NCOA3: variants seen among roughly 807,000 people sequenced by gnomAD.
NCOA3 encodes the protein CBP-interacting protein.
NCOA3 carries 51 observed loss-of-function variants against 158.8 expected under a neutral mutation model. That is an observed-to-expected ratio of 0.32 (90% CI 0.26 to 0.41). The LOEUF (loss-of-function observed/expected upper bound fraction) is 0.41, where lower values mean the gene tolerates loss of function less well. Among genes scored for constraint, NCOA3 ranks in the 10% least tolerant of loss-of-function variants. The pLI, the probability that NCOA3 is intolerant of heterozygous loss-of-function variation, is 1.00. For missense variants in NCOA3, 1,510 were observed against 1,746.6 expected (o/e 0.86, Z 2.41); for synonymous variants, 537 against 592.4 (o/e 0.91, Z 1.36).
chr20:47,632,985 G>GT (rs1243422305), intron 8 of NCOA3, among the ~76,000 whole-genome samples: 1 of 152,100 alleles, frequency 6.6e-6, no homozygotes, highest in Admixed American at 6.6e-5. Flanking sequence ...TAGGCCAAGA[G>GT]TTTTTTATAG....
Position 47,599,522 on chromosome 20 carries a change from G to A in NCOA3, c.-20+16261G>A, listed in dbSNP as rs117971079. Among the ~76,000 whole-genome samples, 123 of 152,296 alleles carry A rather than the reference G, an allele frequency of 8.1e-4. 4 individuals are homozygous for A. The East Asian group carries it at 0.022, about 28-fold the overall frequency. On this transcript the variant is annotated intron_variant, in intron 2 of 22. Coordinates refer to ENST00000371998, the MANE Select transcript of NCOA3 (RefSeq NM_181659.3). ...ACTAAAAGCCAGTCGTGCACTTTAA[G>A]CATATAATATGTGAATTAATATCTC...
intron 1 of NCOA3, among the ~76,000 whole-genome samples, chr20:47,525,683 CCCGGACGGGGCGG>C: frequency 2.1e-5 from 3 of 140,490 alleles, no homozygotes; most frequent in African/African-American, 8.3e-5. Flanking sequence ...CCACCTCCCT[CCCGGACGGGGCGG>C]CTGGCCGGGC....
At chr20:47,631,318 GT>G (rs1378308867) in intron 8 of NCOA3, 1 of 152,204 alleles carries the variant, frequency 6.6e-6, no homozygotes, top group Non-Finnish European at 1.5e-5. Context: ...TGACTAGTTT[GT>G]TACCAATTAA....
rs1325375788 is a variant in NCOA3 at position 47,639,905 on chromosome 20, C to G, written c.2954-20C>G. 1 of 1,613,674 alleles carries G rather than the reference C, an allele frequency of 6.2e-7. No homozygotes were observed. Among genetic ancestry groups the G allele is most frequent in the Admixed American group, 1.7e-5 (1 of 59,932 alleles). ...TTTTGCTCTTATTTGAGAATTTGTG[C>G]TTTCTTTTTGCTCCCCCAGGGCCTG... On this transcript the variant is annotated intron_variant, in intron 15 of 22. Transcript: ENST00000371998.
intron 1 of NCOA3, among the ~76,000 whole-genome samples, chr20:47,517,305 C>T (rs768492158): frequency 6.6e-6 from 1 of 152,174 alleles, no homozygotes; most frequent in Non-Finnish European, 1.5e-5. Flanking sequence ...ACTGAAGCAG[C>T]AGTTAATTCC....
At chr20:47,629,809 TACTA>T (rs2086384015) in intron 8 of NCOA3, among the ~76,000 whole-genome samples, 1 of 152,260 alleles carries the variant, frequency 6.6e-6, no homozygotes, top group Non-Finnish European at 1.5e-5. Context: ...CTACTGAAGA[TACTA>T]AATAAAATAT....
chr20:47,516,089 T>C (rs961006920), intron 1 of NCOA3, among the ~76,000 whole-genome samples: 16 of 152,166 alleles, frequency 1.1e-4, no homozygotes, highest in Non-Finnish European at 1.8e-4. Context: ...AACTACTCTG[T>C]ATGATAGATA....
At chr20:47,637,058 G>GA (rs368336442) in intron 12 of NCOA3, among the ~76,000 whole-genome samples, 41 of 148,108 alleles carry the variant, frequency 2.8e-4, no homozygotes, top group South Asian at 6.4e-4. Context: ...AAGTAATCAG[G>GA]AAAAAAAAAA....
intron 1 of NCOA3, among the ~76,000 whole-genome samples, chr20:47,505,538 A>G (rs577391213): frequency 6.6e-5 from 10 of 152,008 alleles, no homozygotes; most frequent in South Asian, 2.1e-4. Flanking sequence ...CTAGGATTAG[A>G]AAAAAAACAA....
intron 17 of NCOA3, 82 bp from the exon 18 acceptor site, chr20:47,646,991 T>C: frequency 7.6e-7 from 1 of 1,317,102 alleles, no homozygotes; most frequent in Non-Finnish European, 1.1e-6. Context: ...TGACTGGATG[T>C]TTTTTGCACT....
chr20:47,537,582 G>GT (rs529005842), intron 1 of NCOA3, among the ~76,000 whole-genome samples: 1,901 of 142,136 alleles, frequency 0.013, 6 homozygotes, highest in South Asian at 0.016. Flanking sequence ...TTTACATAGG[G>GT]TTTTTTTTTT....
intron 8 of NCOA3, chr20:47,630,368 GC>G (rs2086393217): frequency 6.6e-6 from 1 of 151,086 alleles, no homozygotes; most frequent in African/African-American, 2.4e-5. Context: ...TCACTATGAA[GC>G]CCCATGAGTT....
intron 2 of NCOA3, among the ~76,000 whole-genome samples, chr20:47,619,857 G>A (rs1250172352): frequency 6.6e-6 from 1 of 151,726 alleles, no homozygotes; most frequent in Non-Finnish European, 1.5e-5. Context: ...GTGCAGTGGC[G>A]GGATCTCAGC....
intron 1 of NCOA3, among the ~76,000 whole-genome samples, chr20:47,520,934 C>T (rs1461373049): frequency 6.6e-6 from 1 of 152,142 alleles, no homozygotes; most frequent in Non-Finnish European, 1.5e-5. Context: ...CTCTGTCCAG[C>T]AGTAGGACTT....
In NCOA3 at chr20:47,647,022, C is replaced by G. The variant is rs748240765; in HGVS notation, c.3253-51C>G. 1.1e-5 allele frequency: 17 copies of G among 1,539,530 alleles called. No homozygotes were observed. In the South Asian group the frequency reaches 1.5e-4, roughly 13 times the overall value. On this transcript the variant is annotated intron_variant, in intron 17 of 22. Coordinates refer to ENST00000371998, the MANE Select transcript of NCOA3 (RefSeq NM_181659.3). Reference sequence around the variant, plus strand: ...GCACTTTCTTTAGAGCATTTGACTTCTGTTGCTTTCATAGATGTTCTTCAC... The same window carrying G: ...GCACTTTCTTTAGAGCATTTGACTTGTGTTGCTTTCATAGATGTTCTTCAC...
intron 2 of NCOA3, among the ~76,000 whole-genome samples, chr20:47,604,243 G>A (rs1371314747): frequency 6.6e-6 from 1 of 152,166 alleles, no homozygotes; most frequent in Non-Finnish European, 1.5e-5. Flanking sequence ...CTTTGTAAAG[G>A]TGATGGATGT....
intron 1 of NCOA3, among the ~76,000 whole-genome samples, chr20:47,549,472 A>G (rs889311701): frequency 1.3e-5 from 2 of 151,490 alleles, no homozygotes. Context: ...AGACATGGCA[A>G]TCACTTGAGA....
At chr20:47,519,771 A>T (rs987807105) in intron 1 of NCOA3, among the ~76,000 whole-genome samples, 27 of 149,884 alleles carry the variant, frequency 1.8e-4, no homozygotes, top group Non-Finnish European at 2.8e-4. Context: ...TCCACAGAAA[A>T]TTTTTTTTTT....
chr20:47,608,532 G>A (rs1056029789), intron 2 of NCOA3, among the ~76,000 whole-genome samples: 9 of 151,302 alleles, frequency 5.9e-5, no homozygotes, highest in African/African-American at 1.7e-4. Flanking sequence ...CCAGCTACTC[G>A]GGAGGCTGAG....
Sources: allele counts gnomAD v4.1 joint callset (sites outside exome capture counted in the v4.1 genomes callset), GRCh38; gene constraint gnomAD v4.1.1; transcripts MANE v1.5; gene names NCBI Gene and HGNC (gene_info 2026-07-23, HGNC 2026-07-21).